SOX6: variants seen among roughly 807,000 people sequenced by gnomAD.
SOX6 encodes SRY-box transcription factor 6, also known as transcription factor SOX-6.
In SOX6, 11 loss-of-function variants were observed where a neutral mutation model predicts 97.8. The observed-to-expected ratio is 0.11, with a 90% CI of 0.07 to 0.19. The LOEUF is 0.19. Among genes scored for constraint, SOX6 ranks in the 10% least tolerant of loss-of-function variants. The probability of loss-of-function intolerance (pLI) is 1.00; values close to 1 mark genes in which losing one functional copy is unlikely to be tolerated. For missense variants in SOX6, 810 were observed against 1,039.5 expected (o/e 0.78, Z 3.04); for synonymous variants, 360 against 371.4 (o/e 0.97, Z 0.35).
intron 7 of SOX6, among the ~76,000 whole-genome samples, chr11:16,108,518 G>GC (rs1849153469): frequency 6.6e-6 from 1 of 152,012 alleles, no homozygotes; most frequent in Non-Finnish European, 1.5e-5. Flanking sequence ...CTCTTGATTG[G>GC]TGCACCTCTC....
chr11:16,493,344 T>A (rs980555875), intron 4 of SOX6, among the ~76,000 whole-genome samples: 1 of 152,130 alleles, frequency 6.6e-6, no homozygotes, highest in Non-Finnish European at 1.5e-5. Flanking sequence ...AAAGGATATA[T>A]AAAGACCATT....
intron 6 of SOX6, among the ~76,000 whole-genome samples, chr11:16,174,005 C>A (rs983845748): frequency 6.6e-6 from 1 of 151,044 alleles, no homozygotes; most frequent in Admixed American, 6.6e-5. Flanking sequence ...GCCATCACAC[C>A]CAGTTAATTT....
intron 4 of SOX6, among the ~76,000 whole-genome samples, chr11:16,611,822 TTC>T (rs569472937): frequency 4.3e-4 from 65 of 152,326 alleles, no homozygotes; most frequent in Non-Finnish European, 6.0e-4. Flanking sequence ...TGCGTGTCAT[TTC>T]TGTTAGGAAG....
intron 1 of SOX6, among the ~76,000 whole-genome samples, chr11:16,388,641 A>G (rs1858069584): frequency 6.6e-6 from 1 of 151,976 alleles, no homozygotes. Context: ...TCTTAGTTGT[A>G]TAACTTTTTG....
upstream of SOX6, among the ~76,000 whole-genome samples, chr11:16,477,413 C>T (rs1180262261): frequency 1.3e-5 from 2 of 152,122 alleles, no homozygotes; most frequent in Admixed American, 6.5e-5. Context: ...GCAATTATAG[C>T]ACAAATGACC....
chr11:16,250,167 T>C (rs1352878751), intron 3 of SOX6, among the ~76,000 whole-genome samples: 3 of 152,172 alleles, frequency 2.0e-5, no homozygotes, highest in African/African-American at 7.2e-5. Context: ...TTGATTCTCA[T>C]AGGACTGAGA....
intron 6 of SOX6, among the ~76,000 whole-genome samples, chr11:16,179,682 C>A (rs1440098313): frequency 1.3e-5 from 2 of 151,856 alleles, no homozygotes; most frequent in Non-Finnish European, 2.9e-5. Context: ...TCAAGTCTCA[C>A]GATTTTACCC....
In SOX6 at chr11:16,619,064, G is replaced by A. The variant is rs548402730; in HGVS notation, n.430-6804C>T. ...AGTAAGCCAGGTGTTAGCTGTCTACGAAGTTGAAGACCACATTAACTACTA... is the reference window on the plus strand; with the variant it reads ...AGTAAGCCAGGTGTTAGCTGTCTACAAAGTTGAAGACCACATTAACTACTA... On this transcript the variant is annotated intron_variant and non_coding_transcript_variant, in intron 3 of 5. Coordinates refer to the SOX6 transcript ENST00000524520. Among the ~76,000 whole-genome samples, 12 of 151,926 alleles carry A rather than the reference G, an allele frequency of 7.9e-5. 1 individual carries two copies. Among genetic ancestry groups the A allele is most frequent in the Non-Finnish European group, 1.5e-4 (10 of 67,880 alleles).
chr11:16,400,026 C>T (rs1168933463), intron 1 of SOX6, among the ~76,000 whole-genome samples: 1 of 151,142 alleles, frequency 6.6e-6, no homozygotes, highest in African/African-American at 2.4e-5. Context: ...TGAAGAATGT[C>T]GAATTTTTAA....
chr11:16,694,262 T>G (rs1410249367), intron 3 of SOX6, among the ~76,000 whole-genome samples: 1 of 152,194 alleles, frequency 6.6e-6, no homozygotes, highest in Non-Finnish European at 1.5e-5. Flanking sequence ...GCATGGTAGC[T>G]CACATCTGTA....
intron 3 of SOX6, chr11:16,646,454 G>GT (rs1401519948): frequency 1.3e-5 from 2 of 151,204 alleles, no homozygotes; most frequent in African/African-American, 4.9e-5. Context: ...CCTTTCGTAA[G>GT]TTTTTTTATT....
Position 16,234,691 on chromosome 11 carries a change from A to G in SOX6, c.446-20T>C. 7.6e-7 allele frequency: 1 copy of G among 1,321,944 alleles called. No individual in the cohort carries two copies. Among genetic ancestry groups the G allele is most frequent in the East Asian group, 2.6e-5 (1 of 39,176 alleles). 81.9% of individuals were successfully genotyped at this position (1,321,944 alleles called of 1,614,324 possible). A position where few individuals can be genotyped will look rare whatever the true frequency, so the allele number is the denominator to read the frequency against. ...AGGAATCTATTAAAATACAAAAGTA[A>G]GTATTAAAAATATATATTTATTACA... On this transcript the variant is annotated intron_variant, in intron 3 of 15. Coordinates refer to ENST00000683767, the MANE Select transcript of SOX6 (RefSeq NM_001367873.1).
chr11:16,109,266 T>A (rs1191434137), intron 7 of SOX6, among the ~76,000 whole-genome samples: 2 of 152,160 alleles, frequency 1.3e-5, no homozygotes, highest in African/African-American at 4.8e-5. Flanking sequence ...AGTGGCAGAA[T>A]CACGGCTCAC....
chr11:16,519,765 T>A (rs527243218), intron 4 of SOX6, among the ~76,000 whole-genome samples: 4 of 152,278 alleles, frequency 2.6e-5, no homozygotes, highest in Non-Finnish European at 5.9e-5. Context: ...TTTTTAGTTA[T>A]TTGAGAAATT....
intron 11 of SOX6, among the ~76,000 whole-genome samples, chr11:16,048,905 G>A (rs1847611759): frequency 6.6e-6 from 1 of 152,042 alleles, no homozygotes; most frequent in Non-Finnish European, 1.5e-5. Flanking sequence ...ATTCGGCACT[G>A]TCTTACTGAC....
At chr11:16,309,835 G>A (rs1855547023) in intron 3 of SOX6, among the ~76,000 whole-genome samples, 1 of 152,076 alleles carries the variant, frequency 6.6e-6, no homozygotes, top group South Asian at 2.1e-4. Flanking sequence ...GGAGAAGTCA[G>A]TCTAATGAAT....
At chr11:16,533,562 C>CCTTT in intron 4 of SOX6, among the ~76,000 whole-genome samples, 1 of 152,014 alleles carries the variant, frequency 6.6e-6, no homozygotes, top group East Asian at 1.9e-4. Flanking sequence ...GCTGAAGATG[C>CCTTT]TTAAAGTGAT....
chr11:16,471,092 T>G (rs1440012720), intron 1 of SOX6, among the ~76,000 whole-genome samples: 1 of 148,012 alleles, frequency 6.8e-6, no homozygotes, highest in Non-Finnish European at 1.5e-5. Context: ...TTTTTTTTTG[T>G]TTTTTTTTTA....
At chr11:16,489,072 CTA>C (rs1314309814) in intron 4 of SOX6, among the ~76,000 whole-genome samples, 2 of 152,084 alleles carry the variant, frequency 1.3e-5, no homozygotes, top group Non-Finnish European at 2.9e-5. Flanking sequence ...TAATAAAAGA[CTA>C]TGTTCTTAGG....
Sources: allele counts gnomAD v4.1 joint callset (sites outside exome capture counted in the v4.1 genomes callset), GRCh38; gene constraint gnomAD v4.1.1; transcripts MANE v1.5; gene names NCBI Gene and HGNC (gene_info 2026-07-23, HGNC 2026-07-21).